Variants in WHRN observed in about 807,000 individuals in gnomAD.
WHRN encodes CASK-interacting protein CIP98.
WHRN carries 41 observed loss-of-function variants against 68.3 expected under a neutral mutation model. The observed-to-expected ratio is 0.60, with a 90% CI of 0.47 to 0.78. The LOEUF is 0.78. Among genes scored for constraint, WHRN ranks in the 30% least tolerant of loss-of-function variants. The pLI, the probability that WHRN is intolerant of heterozygous loss-of-function variation, is 0.00. For synonymous variants in WHRN, 560 were observed against 561.3 expected (o/e 1.00, Z 0.03); for missense variants, 1,243 against 1,244.7 (o/e 1.00, Z 0.02).
Position 114,406,590 on chromosome 9 carries a change from G to C in WHRN, c.2001C>G (p.Ala667=). Residue 667 remains alanine (A), a synonymous_variant, in exon 9 of 12, where the codon GCC becomes GCG. Transcript: ENST00000362057. ...GGTGTTGGTTGACCAGGGCCAGATGGGCGTCCAGCGGCCTCTTGGAGCTGG... is the reference window on the plus strand; with the variant it reads ...GGTGTTGGTTGACCAGGGCCAGATGCGCGTCCAGCGGCCTCTTGGAGCTGG... ...ANPSSKRPLD[A]HLALVNQHPI... 1 of 1,610,806 alleles carries C rather than the reference G, an allele frequency of 6.2e-7. No individual in the cohort carries two copies. The highest frequency in any genetic ancestry group is 8.5e-7 in the Non-Finnish European group (1 of 1,177,652).
intron 3 of WHRN, among the ~76,000 whole-genome samples, chr9:114,456,483 C>T (rs542380208): frequency 3.5e-4 from 54 of 152,180 alleles, no homozygotes; most frequent in African/African-American, 1.3e-3. Context: ...CAAGAAGAGT[C>T]GTATATAAAC....
At chr9:114,453,227 A>C (rs1589166294) in intron 3 of WHRN, among the ~76,000 whole-genome samples, 1 of 152,086 alleles carries the variant, frequency 6.6e-6, no homozygotes, top group African/African-American at 2.4e-5. Context: ...GGTGTGTCAC[A>C]AGGTGAGAGA....
Position 114,406,735 on chromosome 9 carries a change from G to A in WHRN, c.1856C>T (p.Thr619Ile). The A allele has an allele frequency of 6.2e-7, 1 of 1,614,146 alleles. No individual in the cohort carries two copies. Among genetic ancestry groups the A allele is most frequent in the Non-Finnish European group, 8.5e-7 (1 of 1,180,020 alleles). The change falls in exon 9 of 12, where the codon ACT becomes ATT. Residue 619 changes from threonine (T) to isoleucine (I), a missense_variant. Thr to Ile is a moderately conservative substitution (Grantham distance 89). Coordinates refer to ENST00000362057, the MANE Select transcript of WHRN (RefSeq NM_015404.4). ...PPSSMPSCSG[T>I]VFSAPQNRSP... ...GCGGTTCTGTGGAGCCGAGAAGACAGTGCCCGAGCAGGAAGGCATGGAGGA... is the reference window on the plus strand; with the variant it reads ...GCGGTTCTGTGGAGCCGAGAAGACAATGCCCGAGCAGGAAGGCATGGAGGA...
At chr9:114,466,445 G>A in intron 2 of WHRN, 53 bp from the exon 3 acceptor site, 2 of 1,610,866 alleles carry the variant, frequency 1.2e-6, no homozygotes, top group Non-Finnish European at 8.5e-7. Flanking sequence ...ATCCCTTCCG[G>A]GGACAGCAGG....
chr9:114,415,824 T>C (rs1436798870), intron 7 of WHRN, among the ~76,000 whole-genome samples: 1 of 152,184 alleles, frequency 6.6e-6, no homozygotes, highest in Non-Finnish European at 1.5e-5. Context: ...TGGAGAACGA[T>C]TCTCTAAACC....
chr9:114,414,767 A>C (rs1442781552), intron 7 of WHRN, among the ~76,000 whole-genome samples: 1 of 152,194 alleles, frequency 6.6e-6, no homozygotes, highest in Non-Finnish European at 1.5e-5. Context: ...CCTCTGGGCA[A>C]ACTGATGATT....
intron 4 of WHRN, chr9:114,425,755 C>T: frequency 3.7e-6 from 1 of 268,760 alleles, no homozygotes; most frequent in Non-Finnish European, 7.3e-6. Context: ...ACTATGCAGC[C>T]ACCTGGCAAC....
intron 2 of WHRN, 126 bp from the exon 3 acceptor site, chr9:114,466,518 C>T: frequency 7.2e-7 from 1 of 1,381,380 alleles, no homozygotes; most frequent in South Asian, 1.2e-5. Context: ...GAGGCCCAGG[C>T]CAAGGCCTGG....
rs552537664 is a variant in WHRN at position 114,499,010 on chromosome 9, T to A, written c.618+5174A>T. Among the ~76,000 whole-genome samples, 7 of 152,350 alleles carry A rather than the reference T, an allele frequency of 4.6e-5. No individual in the cohort carries two copies. The South Asian group carries it at 1.2e-3, about 27-fold the overall frequency. ...ACATACTCCAGGTGACAATGATGTGTCAATGTAGGTTCATCAATTGTTGAT... is the reference window on the plus strand; with the variant it reads ...ACATACTCCAGGTGACAATGATGTGACAATGTAGGTTCATCAATTGTTGAT... On this transcript the variant is annotated intron_variant, in intron 1 of 11. Coordinates refer to ENST00000362057, the MANE Select transcript of WHRN (RefSeq NM_015404.4).
chr9:114,482,224 G>A (rs952249718), intron 1 of WHRN, among the ~76,000 whole-genome samples: 1 of 152,242 alleles, frequency 6.6e-6, no homozygotes, highest in Non-Finnish European at 1.5e-5. Flanking sequence ...CCGGCACACA[G>A]TAGGTCCTGA....
At chr9:114,442,012 T>C (rs1017708374) in intron 3 of WHRN, among the ~76,000 whole-genome samples, 1 of 152,328 alleles carries the variant, frequency 6.6e-6, no homozygotes, top group South Asian at 2.1e-4. Context: ...AAAGCTAGCA[T>C]GATCCTGCCA....
chr9:114,409,941 G>A (rs1364520931), intron 7 of WHRN, among the ~76,000 whole-genome samples: 1 of 151,806 alleles, frequency 6.6e-6, no homozygotes, highest in Admixed American at 6.6e-5. Context: ...GACCCCCAAG[G>A]GCCTCTTCAT....
intron 1 of WHRN, among the ~76,000 whole-genome samples, chr9:114,486,786 T>C (rs1238744186): frequency 7.8e-6 from 1 of 128,986 alleles, no homozygotes; most frequent in Non-Finnish European, 1.5e-5. Flanking sequence ...GCAAGTTACT[T>C]ACCCAATCTG....
At chr9:114,463,249 C>T (rs191248392) in intron 3 of WHRN, among the ~76,000 whole-genome samples, 1 of 152,216 alleles carries the variant, frequency 6.6e-6, no homozygotes, top group Non-Finnish European at 1.5e-5. Context: ...AAGCTCAGAG[C>T]CAAGTCTGTG....
chr9:114,486,422 C>T (rs571637024), intron 1 of WHRN, among the ~76,000 whole-genome samples: 2 of 152,196 alleles, frequency 1.3e-5, no homozygotes. Flanking sequence ...TTTAAGACTA[C>T]AAGACAAGTT....
intron 1 of WHRN, among the ~76,000 whole-genome samples, chr9:114,497,376 T>C (rs1465038787): frequency 6.6e-6 from 1 of 152,142 alleles, no homozygotes; most frequent in Non-Finnish European, 1.5e-5. Context: ...GCTGGGACTG[T>C]AAAGGAAGAA....
intron 1 of WHRN, among the ~76,000 whole-genome samples, chr9:114,498,183 G>C (rs370943219): frequency 6.6e-5 from 10 of 152,276 alleles, no homozygotes; most frequent in African/African-American, 7.2e-5. Flanking sequence ...CCGGGAGCTG[G>C]GGATGCGTGA....
At chr9:114,405,859 T>C (rs1342631634) in intron 9 of WHRN, among the ~76,000 whole-genome samples, 1 of 152,208 alleles carries the variant, frequency 6.6e-6, no homozygotes, top group Non-Finnish European at 1.5e-5. Context: ...CCACAGCCCA[T>C]GTCCTCTAGC....
intron 3 of WHRN, among the ~76,000 whole-genome samples, chr9:114,463,144 C>T (rs573719763): frequency 1.1e-4 from 17 of 152,308 alleles, no homozygotes; most frequent in African/African-American, 3.6e-4. Context: ...CTGAGGCCTC[C>T]GAAGGAGGAA....
Sources: allele counts gnomAD v4.1 joint callset (sites outside exome capture counted in the v4.1 genomes callset), GRCh38; gene constraint gnomAD v4.1.1; transcripts MANE v1.5; gene names NCBI Gene and HGNC (gene_info 2026-07-23, HGNC 2026-07-21).